Variants in ZNF431 observed in about 807,000 individuals in gnomAD.
The protein encoded by ZNF431 is zinc finger protein 431.
In ZNF431, 34 loss-of-function variants were observed where a neutral mutation model predicts 57.0. That is an observed-to-expected ratio of 0.60 (90% confidence interval 0.45 to 0.79). The LOEUF (loss-of-function observed/expected upper bound fraction) is 0.79. Ranked by LOEUF, ZNF431 falls within the 30% of genes least tolerant of loss-of-function variation. The probability of loss-of-function intolerance (pLI) is 0.00; values close to 1 mark genes in which losing one functional copy is unlikely to be tolerated. For missense variants in ZNF431, 607 were observed against 667.1 expected (o/e 0.91, Z 0.99); for synonymous variants, 207 against 220.3 (o/e 0.94, Z 0.54).
In ZNF431 at chr19:21,194,568, A is replaced by G. The variant is rs1160759320; in HGVS notation, c.*10534A>G. 1 of 152,006 alleles carries G rather than the reference A, an allele frequency of 6.6e-6. No individual in the cohort carries two copies. The highest frequency in any genetic ancestry group is 1.5e-5 in the Non-Finnish European group (1 of 68,060). The allele number at this position is 152,006 out of a possible 1,614,324, so 9.4% of individuals were successfully genotyped here. A position where few individuals can be genotyped will look rare whatever the true frequency, so the allele number is the denominator to read the frequency against. ...ACTGTAACCTCCACCTCCTGGGTTC[A>G]AGTGAGTCTCCTACCTCAGCCTCCC... On this transcript the variant is annotated 3_prime_UTR_variant, in exon 5 of 5. Transcript: ENST00000311048.
intron 4 of ZNF431, among the ~76,000 whole-genome samples, chr19:21,181,080 A>G (rs1176145044): frequency 6.6e-6 from 1 of 151,772 alleles, no homozygotes; most frequent in African/African-American, 2.4e-5. Flanking sequence ...AATGATTTCT[A>G]TTCTTGTACC....
intron 4 of ZNF431, among the ~76,000 whole-genome samples, chr19:21,171,574 G>A (rs748416216): frequency 6.6e-5 from 10 of 151,372 alleles, no homozygotes; most frequent in Non-Finnish European, 1.2e-4. Context: ...CCCAATATTG[G>A]TTATGACTTA....
rs377715055 is a variant in ZNF431 at position 21,183,813 on chromosome 19, A to G, written c.1510A>G (p.Ile504Val). 7.7e-5 allele frequency: 125 copies of G among 1,613,934 alleles called. 2 individuals carry two copies. The Middle Eastern group carries it at 9.9e-4, about 13-fold the overall frequency. The change falls in exon 5 of 5, where the codon ATA becomes GTA. Residue 504 changes from isoleucine to valine, a missense_variant. Physicochemically the swap from Ile to Val is conservative, Grantham distance 29. Transcript: ENST00000311048. ...NRSSNLTKHK[I>V]IHTGEKSYKC... ...ATCCTCAAATCTTACTAAACATAAG[A>G]TAATTCATACAGGAGAGAAATCTTA...
At position 21,193,688 on chromosome 19, in the gene ZNF431, A is replaced by G. The variant is rs1487391117; in HGVS notation, c.*9654A>G. 1 of 152,172 alleles carries G rather than the reference A, an allele frequency of 6.6e-6. No homozygotes were observed. The highest frequency in any genetic ancestry group is 1.5e-5 in the Non-Finnish European group (1 of 68,012). The allele number at this position is 152,172 out of a possible 1,614,324, so 9.4% of individuals were successfully genotyped here. A position where few individuals can be genotyped will look rare whatever the true frequency, so the allele number is the denominator to read the frequency against. On this transcript the variant is annotated 3_prime_UTR_variant, in exon 5 of 5. Transcript: ENST00000311048. ...GAGTTCACAGGCAAATCAAAAAGTT[A>G]TTTTGCCACACTTGTGAACTTTATA...
chr19:21,167,697 C>G (rs1226447398), intron 4 of ZNF431, 31 bp downstream of exon 4: 19 of 1,467,824 alleles, frequency 1.3e-5, no homozygotes, highest in Non-Finnish European at 1.7e-5. Flanking sequence ...ACAGATGACA[C>G]AGATGAGAGG....
At chr19:21,155,400 A>G (rs1484731293) in intron 2 of ZNF431, among the ~76,000 whole-genome samples, 1 of 152,174 alleles carries the variant, frequency 6.6e-6, no homozygotes, top group African/African-American at 2.4e-5. Flanking sequence ...TGGTACCAGT[A>G]CCATGCTGTT....
At chr19:21,180,352 G>A (rs1161860806) in intron 4 of ZNF431, among the ~76,000 whole-genome samples, 2 of 152,156 alleles carry the variant, frequency 1.3e-5, no homozygotes. Context: ...TCTTTCAGGA[G>A]CTCTAGCAAG....
intron 4 of ZNF431, among the ~76,000 whole-genome samples, chr19:21,170,239 C>T (rs1406492449): frequency 6.6e-6 from 1 of 152,172 alleles, no homozygotes; most frequent in Non-Finnish European, 1.5e-5. Context: ...CAGCAATTCT[C>T]CAACCTCAAT....
chr19:21,179,254 CTT>C (rs1046226022), intron 4 of ZNF431, among the ~76,000 whole-genome samples: 2 of 152,008 alleles, frequency 1.3e-5, no homozygotes, highest in Admixed American at 1.3e-4. Context: ...ATTTTTCTCT[CTT>C]GTTTTATTAG....
At chr19:21,166,309 T>C (rs1036850173) in intron 2 of ZNF431, 26 bp from the exon 3 acceptor site, 6 of 1,608,118 alleles carry the variant, frequency 3.7e-6, no homozygotes, top group Non-Finnish European at 5.1e-6. Context: ...TAAATATATG[T>C]GTGTCTCTGT....
At chr19:21,148,982 C>T (rs1382533441) in intron 2 of ZNF431, among the ~76,000 whole-genome samples, 1 of 152,138 alleles carries the variant, frequency 6.6e-6, no homozygotes, top group African/African-American at 2.4e-5. Context: ...TTAAATTGTA[C>T]AACATTTCTT....
rs1298066848 is a variant in ZNF431, at chr19:21,167,668, T to TA, written c.319+3dup. ...ATGAGATGGTGGATGAACCCCCAGG[T>TA]AGGTGAGAGTGAAAAAAAACAGATG... On this transcript the variant is annotated splice_region_variant and intron_variant, in intron 4 of 4. Coordinates refer to ENST00000311048, the MANE Select transcript of ZNF431 (RefSeq NM_133473.4). The TA allele has an allele frequency of 6.5e-7, 1 of 1,544,032 alleles. No homozygotes were observed. The highest frequency in any genetic ancestry group is 1.9e-5 in the Admixed American group (1 of 52,398).
chr19:21,163,860 G>T (rs892337955), intron 2 of ZNF431, among the ~76,000 whole-genome samples: 2 of 151,792 alleles, frequency 1.3e-5, no homozygotes, highest in Non-Finnish European at 2.9e-5. Context: ...AGCTTGAGAG[G>T]CAGTGCTTAT....
intron 3 of ZNF431, 96 bp from the exon 4 acceptor site, chr19:21,167,474 TA>T (rs1424563661): frequency 2.1e-6 from 2 of 959,846 alleles, no homozygotes; most frequent in Non-Finnish European, 1.4e-6. Flanking sequence ...ATTAATTTTC[TA>T]AAATATTCTA....
At chr19:21,147,149 T>G (rs1970124089) in intron 2 of ZNF431, among the ~76,000 whole-genome samples, 1 of 152,242 alleles carries the variant, frequency 6.6e-6, no homozygotes, top group Non-Finnish European at 1.5e-5. Context: ...GTTTTTTCTC[T>G]ATTCTAATGT....
At chr19:21,152,514 A>C (rs1173813636) in intron 2 of ZNF431, among the ~76,000 whole-genome samples, 1 of 152,208 alleles carries the variant, frequency 6.6e-6, no homozygotes, top group East Asian at 1.9e-4. Flanking sequence ...AAAGAATAGC[A>C]ATGAATGTCC....
At chr19:21,143,232 T>C (rs571361398) in intron 1 of ZNF431, among the ~76,000 whole-genome samples, 2 of 152,176 alleles carry the variant, frequency 1.3e-5, no homozygotes, top group Admixed American at 1.3e-4. Context: ...AAAAGTTTTT[T>C]AAAAGATTTT....
chr19:21,180,944 GAAA>G (rs926830855), intron 4 of ZNF431, among the ~76,000 whole-genome samples: 1 of 68,082 alleles, frequency 1.5e-5, no homozygotes. Flanking sequence ...CATATCAAAA[GAAA>G]AAAAAAAAAA....
chr19:21,161,646 T>C (rs1358583844), intron 2 of ZNF431, among the ~76,000 whole-genome samples: 1 of 151,742 alleles, frequency 6.6e-6, no homozygotes, highest in African/African-American at 2.4e-5. Flanking sequence ...AGGTCTGTTT[T>C]GTTTGTTTGT....
Sources: gnomAD v4.1 joint callset for allele counts (sites outside exome capture counted in the v4.1 genomes callset) on GRCh38, gnomAD v4.1.1 for gene constraint, MANE v1.5 for transcripts, NCBI Gene and HGNC (gene_info 2026-07-23, HGNC 2026-07-21) for gene names.